Variants in KIF1A observed in about 807,000 individuals in gnomAD.
KIF1A encodes kinesin-like protein KIF1A.
A neutral mutation model predicts 227.3 loss-of-function variants in KIF1A; 46 were observed. That is an observed-to-expected ratio of 0.20 (90% CI 0.16 to 0.26). The LOEUF is 0.26. Among genes scored for constraint, KIF1A ranks in the 10% least tolerant of loss-of-function variants. The pLI, the probability that KIF1A is intolerant of heterozygous loss-of-function variation, is 1.00. For missense variants in KIF1A, 1,683 were observed against 2,485.9 expected (o/e 0.68, Z 6.87); for synonymous variants, 1,022 against 1,012.8 (o/e 1.01, Z -0.17).
At chr2:240,754,898 C>G (rs1252109935) in intron 27 of KIF1A, among the ~76,000 whole-genome samples, 1 of 152,114 alleles carries the variant, frequency 6.6e-6, no homozygotes, top group Non-Finnish European at 1.5e-5. Context: ...CAGAGCTGAC[C>G]CAGAGTGAAG....
intron 2 of KIF1A, among the ~76,000 whole-genome samples, chr2:240,796,278 C>A (rs2126139366): frequency 6.6e-6 from 1 of 152,344 alleles, no homozygotes; most frequent in African/African-American, 2.4e-5. Context: ...AGGGTCCTGC[C>A]ACCTGAGCAC....
intron 1 of KIF1A, among the ~76,000 whole-genome samples, chr2:240,804,813 G>C (rs1220057255): frequency 6.6e-6 from 1 of 152,072 alleles, no homozygotes; most frequent in African/African-American, 2.4e-5. Context: ...GCTCAGAGTA[G>C]TTCTCAGGAG....
chr2:240,782,177 C>A (rs2054130054), intron 10 of KIF1A: 1 of 985,152 alleles, frequency 1.0e-6, no homozygotes, highest in Non-Finnish European at 1.2e-6. Context: ...GCGCCCGCCT[C>A]CCCCTGTGGC....
rs947971793 is a variant in KIF1A at position 240,746,047 on chromosome 2, G to A, written c.3194C>T (p.Thr1065Ile). ...TGGGGTGGGCGACCCACCTGAACAG[G>A]TGTTGTTGTTGACTTCATCGGCTGA... ...GPSADEVNNN[T>I]CSAVPPEGLL... The change falls in exon 30 of 49, where the codon ACC becomes ATC. Residue 1065 changes from threonine to isoleucine, a missense_variant. Transcript: ENST00000498729. 1 of 1,607,798 alleles carries A rather than the reference G, an allele frequency of 6.2e-7. No individual in the cohort carries two copies. Among genetic ancestry groups the A allele is most frequent in the Non-Finnish European group, 8.5e-7 (1 of 1,177,628 alleles).
chr2:240,805,193 A>C (rs2126194862), intron 1 of KIF1A, among the ~76,000 whole-genome samples: 2 of 149,732 alleles, frequency 1.3e-5, no homozygotes, highest in Admixed American at 6.7e-5. Flanking sequence ...AAGAAAGAGA[A>C]AGGGAAGAGA....
chr2:240,816,484 C>A (rs566089272), intron 1 of KIF1A, among the ~76,000 whole-genome samples: 4 of 152,036 alleles, frequency 2.6e-5, no homozygotes, highest in Non-Finnish European at 4.4e-5. Flanking sequence ...GGAATAAGCA[C>A]GAGGATGCCT....
At chr2:240,786,620 G>C (rs2054791969) in intron 5 of KIF1A, 107 bp from the exon 6 acceptor site, 8 of 988,338 alleles carry the variant, frequency 8.1e-6, no homozygotes, top group Admixed American at 2.3e-5. Flanking sequence ...GGACCCCTGA[G>C]TGAGGAGATG....
At chr2:240,813,766 C>A (rs1414444183) in intron 1 of KIF1A, among the ~76,000 whole-genome samples, 1 of 152,090 alleles carries the variant, frequency 6.6e-6, no homozygotes, top group Non-Finnish European at 1.5e-5. Context: ...ACATGATGTG[C>A]CAACTAATGC....
chr2:240,733,583 AC>A (rs1459377450), intron 38 of KIF1A, among the ~76,000 whole-genome samples: 2 of 152,116 alleles, frequency 1.3e-5, no homozygotes, highest in Non-Finnish European at 2.9e-5. Context: ...TGGCCCGGCC[AC>A]CCCTGGGCAG....
chr2:240,737,380 T>C, intron 37 of KIF1A: 1 of 496,078 alleles, frequency 2.0e-6, no homozygotes, highest in Non-Finnish European at 3.7e-6. Flanking sequence ...GTCTTTCTTG[T>C]CTGTCTCTCG....
chr2:240,785,223 G>A (rs545158411), intron 6 of KIF1A, 123 bp from the exon 7 acceptor site: 40 of 754,062 alleles, frequency 5.3e-5, no homozygotes, highest in Middle Eastern at 3.9e-4. Flanking sequence ...CCCAGGGGCC[G>A]CCCTGCTGGG....
chr2:240,765,876 A>T, intron 19 of KIF1A, 83 bp from the exon 20 acceptor site: 1 of 963,946 alleles, frequency 1.0e-6, no homozygotes, highest in Non-Finnish European at 1.7e-6. Context: ...GCCCCCGGGC[A>T]TGGCCTCTTC....
intron 10 of KIF1A, among the ~76,000 whole-genome samples, 195 bp from the exon 11 acceptor site, chr2:240,776,121 C>T (rs1283365054): frequency 2.0e-5 from 3 of 152,210 alleles, no homozygotes; most frequent in Non-Finnish European, 4.4e-5. Context: ...CCCCAGAGGC[C>T]TCCTCTAGGC....
rs1171435412 is a variant in KIF1A, at chr2:240,723,490, C to T, written c.4387G>A (p.Ala1463Thr). 6.4e-7 allele frequency: 1 copy of T among 1,552,094 alleles called. No homozygotes were observed. The highest frequency in any genetic ancestry group is 8.7e-7 in the Non-Finnish European group (1 of 1,148,198). The change falls in exon 42 of 49, where the codon GCA becomes ACA. Residue 1463 changes from alanine to threonine, a missense_variant. Transcript: ENST00000498729. ...VAYVRGEENL[A>T]GWRPRSDSLI... ...CTGTCACTCCGGGGCCTCCAGCCTG[C>T]CAGGTTCTCCTCGCCCCGGACATAG...
upstream of KIF1A, among the ~76,000 whole-genome samples, chr2:240,821,396 C>T (rs1199146630): frequency 6.6e-6 from 1 of 152,226 alleles, no homozygotes; most frequent in Non-Finnish European, 1.5e-5. Context: ...AGATTCACAT[C>T]CACTTCTGCA....
rs1396207892 is a variant in KIF1A at position 240,797,772 on chromosome 2, C to T, written c.-20G>A. On this transcript the variant is annotated 5_prime_UTR_variant, in exon 2 of 49. Coordinates refer to ENST00000498729, the MANE Select transcript of KIF1A (RefSeq NM_001244008.2). ...GGCCATCTCTGTGGCCTTCGTGGGT[C>T]ACTCCTCGCAGTAGTGGGAGCCCCA... is the stretch of plus-strand genomic sequence containing the variant. 3.2e-6 allele frequency: 5 copies of T among 1,548,626 alleles called. No individual in the cohort carries two copies. In the South Asian group the frequency reaches 4.5e-5, roughly 14 times the overall value.
chr2:240,748,559 G>A (rs2048865092), intron 28 of KIF1A: 3 of 186,204 alleles, frequency 1.6e-5, no homozygotes, highest in South Asian at 1.8e-4. Context: ...CACAAGGCAG[G>A]ATTGGGAGGA....
intron 27 of KIF1A, among the ~76,000 whole-genome samples, chr2:240,753,525 C>T (rs945673110): frequency 9.8e-5 from 15 of 152,314 alleles, no homozygotes; most frequent in African/African-American, 2.6e-4. Flanking sequence ...GCCCAAGCCC[C>T]TCGCAACCCC....
intron 46 of KIF1A, among the ~76,000 whole-genome samples, 189 bp from the exon 47 acceptor site, chr2:240,719,387 C>A (rs943654053): frequency 1.3e-5 from 2 of 152,234 alleles, no homozygotes; most frequent in African/African-American, 4.8e-5. Context: ...GACCACCAAG[C>A]CAGCTCTGGG....
Sources: allele counts gnomAD v4.1 joint callset (sites outside exome capture counted in the v4.1 genomes callset), GRCh38; gene constraint gnomAD v4.1.1; transcripts MANE v1.5; gene names NCBI Gene and HGNC (gene_info 2026-07-23, HGNC 2026-07-21).